The following EFHC2 variants were observed in gnomAD, a reference collection of about 807,000 sequenced individuals.
EFHC2 encodes EF-hand domain containing 2.
EFHC2 carries 18 observed loss-of-function variants against 52.7 expected under a neutral mutation model. That is an observed-to-expected ratio of 0.34 (90% CI 0.24 to 0.51). The LOEUF (loss-of-function observed/expected upper bound fraction) is 0.51, where lower values mean the gene tolerates loss of function less well. Ranked by LOEUF, EFHC2 falls within the 20% of genes least tolerant of loss-of-function variation. The pLI, the probability that EFHC2 is intolerant of heterozygous loss-of-function variation, is 0.97. For synonymous variants in EFHC2, 203 were observed against 204.1 expected, an observed-to-expected ratio of 0.99 and a Z score of 0.04; for missense variants, 513 against 562.5, an observed-to-expected ratio of 0.91 and a Z score of 0.89.
chrX:44,312,904 A>T, intron 1 of EFHC2, 148 bp from the exon 2 acceptor site: 1 of 523,112 alleles, frequency 1.9e-6, no homozygotes, highest in Non-Finnish European at 3.0e-6. Flanking sequence ...ATCAATCTTT[A>T]TCCATAAAGT....
Position 44,163,909 on chromosome X carries a change from G to A in EFHC2, c.2148+13C>T. On this transcript the variant is annotated intron_variant, in intron 14 of 14. Transcript: ENST00000420999. ...TAACCATAGATGGTTTTTAAAATAG[G>A]TATTCATTTTACCTCTTTAAGGTAT... 1 of 1,084,151 alleles carries A rather than the reference G, an allele frequency of 9.2e-7. No homozygotes were observed. The highest frequency in any genetic ancestry group is 1.3e-6 in the Non-Finnish European group (1 of 798,375). 89.3% of individuals were successfully genotyped at this position (1,084,151 alleles called of 1,213,427 possible).
At chrX:44,336,591 AAAGT>A (rs1272433590) in intron 1 of EFHC2, among the ~76,000 whole-genome samples, 1 of 111,773 alleles carries the variant, frequency 8.9e-6, no homozygotes, top group African/African-American at 3.3e-5. Flanking sequence ...AATTTACATA[AAAGT>A]AAGCATCCTG....
At chrX:44,311,686 A>G (rs2037948883) in intron 2 of EFHC2, among the ~76,000 whole-genome samples, 1 of 112,287 alleles carries the variant, frequency 8.9e-6, no homozygotes, top group African/African-American at 3.2e-5. Flanking sequence ...ATGTGTATAG[A>G]CATATACATT....
chrX:44,313,270 T>C (rs1471837371), intron 1 of EFHC2, among the ~76,000 whole-genome samples: 1 of 111,983 alleles, frequency 8.9e-6, no homozygotes, highest in Admixed American at 9.5e-5. Flanking sequence ...GACATTCTCC[T>C]TTAATTGAAA....
At chrX:44,306,154 C>T (rs1336300880) in intron 2 of EFHC2, among the ~76,000 whole-genome samples, 1 of 111,491 alleles carries the variant, frequency 9.0e-6, no homozygotes, top group African/African-American at 3.3e-5. Flanking sequence ...CACCTCATTA[C>T]ACTATGCTTA....
intron 2 of EFHC2, among the ~76,000 whole-genome samples, chrX:44,278,759 T>C (rs181179269): frequency 8.0e-5 from 9 of 111,949 alleles, no homozygotes; most frequent in African/African-American, 2.9e-4. Flanking sequence ...CCCCCCAGTT[T>C]ATTACCATTA....
intron 2 of EFHC2, 75 bp from the exon 3 acceptor site, chrX:44,272,911 T>C: frequency 1.1e-6 from 1 of 901,866 alleles, no homozygotes; most frequent in South Asian, 2.5e-5. Flanking sequence ...AGCAGCTGCC[T>C]GTATACTTTT....
intron 1 of EFHC2, among the ~76,000 whole-genome samples, chrX:44,323,413 T>C (rs1252572685): frequency 5.3e-5 from 6 of 112,236 alleles, no homozygotes; most frequent in Non-Finnish European, 1.1e-4. Context: ...GAGTATACTA[T>C]GGAGCAGTCG....
At chrX:44,307,251 C>A (rs1254343497) in intron 2 of EFHC2, among the ~76,000 whole-genome samples, 1 of 111,846 alleles carries the variant, frequency 8.9e-6, no homozygotes, top group East Asian at 2.8e-4. Flanking sequence ...TTCCAAAGAA[C>A]TGTCTTTATT....
intron 11 of EFHC2, among the ~76,000 whole-genome samples, chrX:44,182,413 G>C (rs1307793735): frequency 8.9e-6 from 1 of 112,451 alleles, no homozygotes; most frequent in East Asian, 2.8e-4. Flanking sequence ...CTGTGTACAA[G>C]TTTTGTGTAA....
chrX:44,329,431 G>C (rs1338394404), intron 1 of EFHC2, among the ~76,000 whole-genome samples: 2 of 111,281 alleles, frequency 1.8e-5, no homozygotes, highest in African/African-American at 6.5e-5. Context: ...CAACTCAAAA[G>C]ACAACCCACA....
At chrX:44,171,376 A>AGAGGAGCCTTCTTCTCCTCTATTGCAAAG (rs775995209) in intron 13 of EFHC2, among the ~76,000 whole-genome samples, 1 of 111,805 alleles carries the variant, frequency 8.9e-6, no homozygotes, top group East Asian at 2.8e-4. Context: ...ATTTTGCTGA[A>AGAGGAGCCTTCTTCTCCTCTATTGCAAAG]GAGGAGCCTT....
chrX:44,270,634 A>G (rs1379931614), intron 3 of EFHC2, among the ~76,000 whole-genome samples: 2 of 111,800 alleles, frequency 1.8e-5, no homozygotes, highest in Non-Finnish European at 1.9e-5. Context: ...CTAAATATTC[A>G]TGATATGCTA....
intron 14 of EFHC2, among the ~76,000 whole-genome samples, chrX:44,152,954 TA>T (rs959496057): frequency 1.3e-4 from 14 of 111,752 alleles, no homozygotes; most frequent in Non-Finnish European, 2.3e-4. Flanking sequence ...GTCTTCCAAA[TA>T]AAAGTTTTCA....
At chrX:44,283,913 G>A (rs1285914135) in intron 2 of EFHC2, 1 of 108,856 alleles carries the variant, frequency 9.2e-6, no homozygotes, top group Non-Finnish European at 1.9e-5. Context: ...CTCCAGCTCT[G>A]GGGCCCGTCG....
At chrX:44,339,296 T>C (rs67035266) in intron 1 of EFHC2, among the ~76,000 whole-genome samples, 11,081 of 111,554 alleles carry the variant, frequency 0.099, 829 homozygotes, top group African/African-American at 0.26. Flanking sequence ...GAAAGGATTT[T>C]TGGCTTTGGC....
intron 13 of EFHC2, among the ~76,000 whole-genome samples, chrX:44,174,799 C>A (rs896370422): frequency 9.0e-6 from 1 of 111,263 alleles, no homozygotes; most frequent in Non-Finnish European, 1.9e-5. Flanking sequence ...TACTTCATCT[C>A]AGTTCCTTCA....
intron 13 of EFHC2, among the ~76,000 whole-genome samples, chrX:44,170,661 CCTT>C (rs953386965): frequency 9.1e-6 from 1 of 110,169 alleles, no homozygotes; most frequent in African/African-American, 3.3e-5. Context: ...AGATAAATCT[CCTT>C]ATTTCATGGC....
intron 5 of EFHC2, 151 bp downstream of exon 5, chrX:44,250,043 G>A (rs375584004): frequency 2.0e-5 from 12 of 611,080 alleles, no homozygotes; most frequent in African/African-American, 1.6e-4. Context: ...TCACAGATGT[G>A]TATTAATAGA....
Sources: gnomAD v4.1 joint callset for allele counts (sites outside exome capture counted in the v4.1 genomes callset) on GRCh38, gnomAD v4.1.1 for gene constraint, MANE v1.5 for transcripts, NCBI Gene and HGNC (gene_info 2026-07-23, HGNC 2026-07-21) for gene names.